The following MAP3K9 variants were observed in gnomAD, a reference collection of about 807,000 sequenced individuals.
MAP3K9 encodes the protein mitogen-activated protein kinase kinase kinase 9.
MAP3K9 carries 46 observed loss-of-function variants against 95.8 expected under a neutral mutation model. The observed-to-expected ratio is 0.48, with a 90% confidence interval of 0.38 to 0.61. MAP3K9 has a LOEUF of 0.61. Ranked by LOEUF, MAP3K9 falls within the 20% of genes least tolerant of loss-of-function variation. MAP3K9 has a pLI of 0.00. For missense variants in MAP3K9, 1,296 were observed against 1,474.3 expected, an observed-to-expected ratio of 0.88 and a Z score of 1.98; for synonymous variants, 533 against 593.8, an observed-to-expected ratio of 0.90 and a Z score of 1.49.
chr14:70,739,351 C>T (rs1299053385), intron 7 of MAP3K9, among the ~76,000 whole-genome samples: 8 of 152,138 alleles, frequency 5.3e-5, no homozygotes, highest in East Asian at 1.9e-4. Context: ...AGGATGGTCT[C>T]GATCTCCTGA....
intron 1 of MAP3K9, among the ~76,000 whole-genome samples, chr14:70,803,398 A>G (rs575840248): frequency 2.6e-5 from 4 of 151,766 alleles, no homozygotes; most frequent in Non-Finnish European, 4.4e-5. Context: ...ACAAATACAG[A>G]AAATAATCAC....
intron 2 of MAP3K9, among the ~76,000 whole-genome samples, chr14:70,773,173 C>T (rs2054553311): frequency 1.3e-5 from 2 of 152,196 alleles, no homozygotes; most frequent in South Asian, 4.1e-4. Flanking sequence ...GCACGTTATG[C>T]AGAAAGCAGT....
chr14:70,734,448 T>C lies in MAP3K9; in HGVS notation c.1964A>G (p.Asn655Ser), dbSNP rs188387961. The change falls in exon 10 of 12, where the codon AAC becomes AGC. Residue 655 changes from asparagine to serine, a missense_variant. This residue lies in a region of MAP3K9 where 377 missense variants were observed against 417.1 expected (regional missense o/e 0.90). Transcript: ENST00000554752. ...GYKQWSSSAP[N>S]LVKGPRSSPA... ...GCTACTCCTTGGGCCCTTCACCAGG[T>C]TGGGGGCACTGGACGACCACTGCTT... The C allele has an allele frequency of 2.4e-5, 39 of 1,613,966 alleles. No homozygotes were observed. In the Admixed American group the frequency reaches 4.0e-4, roughly 17 times the overall value.
At chr14:70,770,412 G>T (rs941175675) in intron 2 of MAP3K9, among the ~76,000 whole-genome samples, 3 of 151,980 alleles carry the variant, frequency 2.0e-5, no homozygotes, top group Non-Finnish European at 2.9e-5. Context: ...TCGAACTCCT[G>T]ACATCAAGTG....
At position 70,775,989 on chromosome 14, in the gene MAP3K9, G is replaced by A. The variant is rs185184677; in HGVS notation, c.821-14807C>T. 8.3e-3 allele frequency among the ~76,000 whole-genome samples: 1,257 copies of A among 152,244 alleles called. 6 individuals are homozygous for A. Among genetic ancestry groups the A allele is most frequent in the Non-Finnish European group, 0.013 (875 of 68,024 alleles). On this transcript the variant is annotated intron_variant, in intron 2 of 11. Transcript: ENST00000554752. ...GGATCACCTGAGGTCAGGAGTTGGAGACCAGCCTGACCAAAATGGTGAAAC... is the reference window on the plus strand; with the variant it reads ...GGATCACCTGAGGTCAGGAGTTGGAAACCAGCCTGACCAAAATGGTGAAAC...
At chr14:70,740,967 C>T (rs900061737) in intron 6 of MAP3K9, among the ~76,000 whole-genome samples, 3 of 152,348 alleles carry the variant, frequency 2.0e-5, no homozygotes, top group South Asian at 2.1e-4. Flanking sequence ...CCAGCAAACA[C>T]GGCTCATAAA....
chr14:70,785,002 C>T (rs922967282), intron 2 of MAP3K9, among the ~76,000 whole-genome samples: 3 of 152,164 alleles, frequency 2.0e-5, no homozygotes, highest in Non-Finnish European at 4.4e-5. Context: ...CAGGGTCCGT[C>T]CTGCAGAACA....
chr14:70,730,913 G>A (rs781117779), intron 11 of MAP3K9, 49 bp from the exon 12 acceptor site: 15 of 1,546,604 alleles, frequency 9.7e-6, no homozygotes, highest in Admixed American at 1.9e-5. Context: ...ACCATATTTC[G>A]GGGTTAGATA....
intron 2 of MAP3K9, among the ~76,000 whole-genome samples, chr14:70,776,499 A>G (rs1227316150): frequency 6.6e-6 from 1 of 152,188 alleles, no homozygotes; most frequent in African/African-American, 2.4e-5. Flanking sequence ...CATCCTCTAC[A>G]TGGTATATCC....
chr14:70,749,575 T>G (rs2054197701), intron 4 of MAP3K9: 1 of 193,824 alleles, frequency 5.2e-6, no homozygotes, highest in African/African-American at 2.3e-5. Context: ...TTTGACTAGA[T>G]GACTTTTAGA....
intron 3 of MAP3K9, among the ~76,000 whole-genome samples, chr14:70,758,204 A>G (rs2054322595): frequency 6.6e-6 from 1 of 152,326 alleles, no homozygotes; most frequent in African/African-American, 2.4e-5. Context: ...CAAATACTCT[A>G]ATTTTTAAAT....
intron 2 of MAP3K9, among the ~76,000 whole-genome samples, chr14:70,780,682 G>A (rs2139824813): frequency 6.6e-6 from 1 of 152,264 alleles, no homozygotes; most frequent in East Asian, 1.9e-4. Context: ...GCAGGAAACA[G>A]AAAGCCAGAG....
chr14:70,738,177 C>T (rs1016543682), intron 8 of MAP3K9, 68 bp downstream of exon 8: 2 of 1,449,288 alleles, frequency 1.4e-6, no homozygotes, highest in Non-Finnish European at 9.3e-7. Context: ...AAAGTTATTT[C>T]ATATCCTATG....
At chr14:70,737,193 T>C (rs2053997601) in intron 8 of MAP3K9, among the ~76,000 whole-genome samples, 1 of 152,218 alleles carries the variant, frequency 6.6e-6, no homozygotes. Context: ...TCAGATATGA[T>C]GTAAAATTGC....
intron 2 of MAP3K9, among the ~76,000 whole-genome samples, chr14:70,800,066 C>G (rs1352710113): frequency 6.6e-6 from 1 of 152,188 alleles, no homozygotes. Flanking sequence ...AGAGTTACTT[C>G]TCAGTTCCCT....
chr14:70,739,870 C>A (rs912321932), intron 7 of MAP3K9, 172 bp downstream of exon 7: 2 of 1,555,052 alleles, frequency 1.3e-6, no homozygotes, highest in Admixed American at 3.8e-5. Flanking sequence ...TGGAGAGAGA[C>A]AAGGGAGAGG....
intron 3 of MAP3K9, among the ~76,000 whole-genome samples, chr14:70,758,355 G>T (rs2054324570): frequency 6.6e-6 from 1 of 151,912 alleles, no homozygotes; most frequent in African/African-American, 2.4e-5. Context: ...ATATCCACAA[G>T]GATAGACATA....
At chr14:70,740,263 C>A (rs1594769854) in intron 6 of MAP3K9, 99 bp from the exon 7 acceptor site, 1 of 1,304,046 alleles carries the variant, frequency 7.7e-7, no homozygotes, top group East Asian at 2.5e-5. Flanking sequence ...AGGGACAGGC[C>A]CCAGTTTCCT....
intron 2 of MAP3K9, among the ~76,000 whole-genome samples, chr14:70,788,290 A>C (rs1291734223): frequency 6.6e-6 from 1 of 152,230 alleles, no homozygotes; most frequent in African/African-American, 2.4e-5. Context: ...ATAATCACCA[A>C]TTGTGATCTA....
Sources: gnomAD v4.1 joint callset for allele counts (sites outside exome capture counted in the v4.1 genomes callset) on GRCh38, gnomAD v4.1.1 for gene constraint, gnomAD v4.1.1 regional missense constraint, MANE v1.5 for transcripts, NCBI Gene and HGNC (gene_info 2026-07-23, HGNC 2026-07-21) for gene names.